Variants in NCOA3 observed in about 807,000 individuals in gnomAD.
The protein encoded by NCOA3 is CBP-interacting protein.
A neutral mutation model predicts 158.8 loss-of-function variants in NCOA3; 51 were observed. That is an observed-to-expected ratio of 0.32 (90% CI 0.26 to 0.41). The LOEUF (loss-of-function observed/expected upper bound fraction) is 0.41, where lower values mean the gene tolerates loss of function less well. Ranked by LOEUF, NCOA3 falls within the 10% of genes least tolerant of loss-of-function variation. The pLI is 1.00. For synonymous variants in NCOA3, 537 were observed against 592.4 expected (o/e 0.91, Z 1.36); for missense variants, 1,510 against 1,746.6 (o/e 0.86, Z 2.41).
intron 1 of NCOA3, among the ~76,000 whole-genome samples, chr20:47,538,802 C>T (rs1395043583): frequency 6.6e-6 from 1 of 152,226 alleles, no homozygotes; most frequent in Admixed American, 6.5e-5. Flanking sequence ...CCTTGGCCTC[C>T]CAAAGTGTTG....
chr20:47,602,794 G>A (rs2085883671), intron 2 of NCOA3, among the ~76,000 whole-genome samples: 1 of 152,164 alleles, frequency 6.6e-6, no homozygotes, highest in South Asian at 2.1e-4. Flanking sequence ...AACTGTTGGT[G>A]TTTCCATACT....
intron 1 of NCOA3, among the ~76,000 whole-genome samples, chr20:47,571,228 C>A (rs2085289405): frequency 6.6e-6 from 1 of 151,738 alleles, no homozygotes; most frequent in Non-Finnish European, 1.5e-5. Context: ...AGGTCTAGAA[C>A]TCCTGACCTC....
At chr20:47,592,832 G>C (rs755589368) in intron 2 of NCOA3, among the ~76,000 whole-genome samples, 60 of 152,336 alleles carry the variant, frequency 3.9e-4, no homozygotes, top group Middle Eastern at 3.4e-3. Flanking sequence ...AAGAATTTAA[G>C]TATCCTGAAG....
intron 19 of NCOA3, 72 bp from the exon 20 acceptor site, chr20:47,650,910 G>A: frequency 2.9e-6 from 4 of 1,387,550 alleles, no homozygotes; most frequent in Non-Finnish European, 4.0e-6. Flanking sequence ...GGTGTATTGT[G>A]GGGGTACTAT....
intron 1 of NCOA3, among the ~76,000 whole-genome samples, chr20:47,542,009 G>GTTTTTTTGTTTTTTTTTTTTTT (rs71183262): frequency 4.4e-4 from 25 of 56,358 alleles, no homozygotes; most frequent in South Asian, 6.0e-4. Flanking sequence ...GCCCTGTAGA[G>GTTTTTTTGTTTTTTTTTTTTTT]TTTTTTTTTT....
At chr20:47,513,660 A>G (rs2084183489) in intron 1 of NCOA3, among the ~76,000 whole-genome samples, 1 of 146,960 alleles carries the variant, frequency 6.8e-6, no homozygotes, top group South Asian at 2.3e-4. Context: ...CAGGAGGCAA[A>G]GGTTGCAGTG....
chr20:47,597,219 T>C (rs1254502168), intron 2 of NCOA3, among the ~76,000 whole-genome samples: 1 of 152,244 alleles, frequency 6.6e-6, no homozygotes. Flanking sequence ...AACCTCCAAC[T>C]GGTCTGCTTT....
In NCOA3 at chr20:47,655,752, CTTTAAAAAAA is replaced by C. The variant is rs1256905246; in HGVS notation, c.*2338_*2347del. 6.6e-6 allele frequency: 1 copy of C among 152,202 alleles called. No homozygotes were observed. Among genetic ancestry groups the C allele is most frequent in the Non-Finnish European group, 1.5e-5 (1 of 67,984 alleles). The allele number at this position is 152,202 out of a possible 1,614,324, so 9.4% of individuals were successfully genotyped here. A position where few individuals can be genotyped will look rare whatever the true frequency, so the allele number is the denominator to read the frequency against. ...AGAATGGTGCTCTTATCTTTCTTGA[CTTTAAAAAAA>C]TTATTAAAAACAAAAAAAAAATAAA... On this transcript the variant is annotated 3_prime_UTR_variant, in exon 23 of 23. Coordinates refer to ENST00000371998, the MANE Select transcript of NCOA3 (RefSeq NM_181659.3).
At chr20:47,539,202 CAGCTACTTGATAAGGTGGCTTGATA>C (rs1309282940) in intron 1 of NCOA3, among the ~76,000 whole-genome samples, 1 of 152,094 alleles carries the variant, frequency 6.6e-6, no homozygotes, top group African/African-American at 2.4e-5. Flanking sequence ...CCTGTAGTCC[CAGCTACTTGATAAGGTGGCTTGATA>C]AGCTACTTGA....
In NCOA3 at chr20:47,566,506, A is replaced by G. The variant is rs75603642; in HGVS notation, c.-98-16677A>G. ...TTCTCCCTCTTCTTCCCCCTTATCT[A>G]TATCACCTTATTTATTTATTTTTGA... On this transcript the variant is annotated intron_variant, in intron 1 of 22. Coordinates refer to ENST00000371998, the MANE Select transcript of NCOA3 (RefSeq NM_181659.3). Among the ~76,000 whole-genome samples the G allele has an allele frequency of 1.2e-4, 18 of 151,070 alleles. No homozygotes were observed. The East Asian group carries it at 2.9e-3, about 25-fold the overall frequency.
intron 1 of NCOA3, among the ~76,000 whole-genome samples, chr20:47,571,552 A>C (rs999629564): frequency 6.6e-6 from 1 of 151,790 alleles, no homozygotes; most frequent in Non-Finnish European, 1.5e-5. Context: ...TCCTGGCCTC[A>C]AGCAATCCAC....
chr20:47,509,573 G>A (rs974435451), intron 1 of NCOA3, among the ~76,000 whole-genome samples: 2 of 152,128 alleles, frequency 1.3e-5, no homozygotes, highest in African/African-American at 4.8e-5. Context: ...TCATCTTGTG[G>A]AGTAGCTATA....
intron 2 of NCOA3, among the ~76,000 whole-genome samples, chr20:47,596,051 T>C (rs2085750191): frequency 6.6e-6 from 1 of 152,242 alleles, no homozygotes; most frequent in Non-Finnish European, 1.5e-5. Flanking sequence ...TGAAGTATAC[T>C]TTGAAGGCTA....
intron 1 of NCOA3, among the ~76,000 whole-genome samples, chr20:47,556,096 G>T (rs2085002251): frequency 1.3e-5 from 2 of 151,584 alleles, no homozygotes; most frequent in Admixed American, 1.3e-4. Flanking sequence ...CACCATGCCT[G>T]GCTAATTTTC....
At chr20:47,591,627 A>G (rs1447540147) in intron 2 of NCOA3, among the ~76,000 whole-genome samples, 1 of 152,138 alleles carries the variant, frequency 6.6e-6, no homozygotes, top group East Asian at 1.9e-4. Flanking sequence ...ATTTATCTGA[A>G]AATGTCTTTA....
intron 2 of NCOA3, among the ~76,000 whole-genome samples, chr20:47,617,659 CTG>C (rs1363719267): frequency 1.3e-5 from 2 of 152,270 alleles, no homozygotes; most frequent in South Asian, 2.1e-4. Context: ...AAATAGAAAA[CTG>C]TACCTGAAGG....
intron 8 of NCOA3, among the ~76,000 whole-genome samples, chr20:47,629,762 G>A (rs2086383329): frequency 6.6e-6 from 1 of 152,172 alleles, no homozygotes; most frequent in Non-Finnish European, 1.5e-5. Context: ...ATTTGGCAGT[G>A]TTAATTTTCT....
intron 13 of NCOA3, 66 bp downstream of exon 13, chr20:47,637,849 C>T: frequency 7.2e-7 from 1 of 1,388,450 alleles, no homozygotes. Flanking sequence ...CCTGTAAACA[C>T]TCTTACACTA....
intron 2 of NCOA3, among the ~76,000 whole-genome samples, chr20:47,610,595 G>A (rs1162579986): frequency 6.6e-5 from 10 of 152,082 alleles, no homozygotes; most frequent in African/African-American, 2.4e-4. Flanking sequence ...AAGCTGTGAG[G>A]TCAGGAAAAA....
Sources: gnomAD v4.1 joint callset for allele counts (sites outside exome capture counted in the v4.1 genomes callset) on GRCh38, gnomAD v4.1.1 for gene constraint, MANE v1.5 for transcripts, NCBI Gene and HGNC (gene_info 2026-07-23, HGNC 2026-07-21) for gene names.